The following CIT variants were observed in gnomAD, a reference collection of about 807,000 sequenced individuals.
CIT encodes the protein citron rho-interacting serine/threonine kinase, also known as citron Rho-interacting kinase.
Under a neutral mutation model 272.7 loss-of-function variants are expected in CIT, and 79 were observed. That is an observed-to-expected ratio of 0.29 (90% CI 0.24 to 0.35). The LOEUF is 0.35. CIT is among the 10% of genes least tolerant of loss of function. CIT has a pLI of 1.00. For synonymous variants in CIT, 948 were observed against 995.6 expected, an observed-to-expected ratio of 0.95 and a Z score of 0.90; for missense variants, 1,909 against 2,618.3, an observed-to-expected ratio of 0.73 and a Z score of 5.91.
In CIT at chr12:119,868,970, T is replaced by G. The variant is rs1204975746; in HGVS notation, c.238+90A>C. The G allele has an allele frequency of 2.1e-6, 3 of 1,463,106 alleles. No homozygotes were observed. In the African/African-American group the frequency reaches 4.3e-5, roughly 21 times the overall value. 90.6% of individuals were successfully genotyped at this position (1,463,106 alleles called of 1,614,324 possible). On this transcript the variant is annotated intron_variant, in intron 3 of 47. Transcript: ENST00000392521. ...ATATAGAACCAGAGTTCTTACCGACTACTATCAACCAGTAACTCATTCTGC... is the reference window on the plus strand; with the variant it reads ...ATATAGAACCAGAGTTCTTACCGACGACTATCAACCAGTAACTCATTCTGC...
At chr12:119,747,501 A>T (rs535067279) in intron 23 of CIT, among the ~76,000 whole-genome samples, 41 of 151,640 alleles carry the variant, frequency 2.7e-4, no homozygotes, top group Admixed American at 5.9e-4. Flanking sequence ...CGGGTGGATC[A>T]CAAGGTCAAG....
In CIT at chr12:119,713,307, A is replaced by G. The variant is rs764832485; in HGVS notation, c.4488-13T>C. 6.2e-7 allele frequency: 1 copy of G among 1,612,130 alleles called. No individual in the cohort carries two copies. Among genetic ancestry groups the G allele is most frequent in the East Asian group, 2.2e-5 (1 of 44,872 alleles). On this transcript the variant is annotated splice_polypyrimidine_tract_variant and intron_variant, in intron 34 of 47. Coordinates refer to ENST00000392521, the MANE Select transcript of CIT (RefSeq NM_001206999.2). The surrounding 1 kb of genome is among the most constrained non-coding windows in gnomAD (Gnocchi z 5.2). ...TCGTTTGTTATTCCTGGGGAAAGAA[A>G]GATGGAAAAGAAAAATGTCTGAACT...
chr12:119,808,573 A>G (rs909934281), intron 9 of CIT, among the ~76,000 whole-genome samples: 2 of 152,150 alleles, frequency 1.3e-5, no homozygotes, highest in African/African-American at 4.8e-5. Context: ...ACTTTTAATC[A>G]TCACCATGGA....
chr12:119,772,661 G>T, intron 17 of CIT, 109 bp downstream of exon 17: 1 of 1,263,688 alleles, frequency 7.9e-7, no homozygotes, highest in Non-Finnish European at 1.1e-6. Context: ...CTTCAGAAGG[G>T]AAAGCAGCTT....
intron 5 of CIT, among the ~76,000 whole-genome samples, chr12:119,843,000 T>C (rs1046944853): frequency 2.0e-5 from 3 of 152,046 alleles, no homozygotes; most frequent in Non-Finnish European, 2.9e-5. Flanking sequence ...AAGTACAGGG[T>C]GCAATGAGCG....
chr12:119,851,689 T>C (rs762512576), intron 4 of CIT, among the ~76,000 whole-genome samples: 2 of 152,222 alleles, frequency 1.3e-5, no homozygotes, highest in Admixed American at 6.5e-5. Context: ...CAAGTCCACA[T>C]AGATATAAAA....
intron 28 of CIT, among the ~76,000 whole-genome samples, chr12:119,725,932 C>T (rs76972549): frequency 2.6e-5 from 4 of 152,144 alleles, no homozygotes; most frequent in Non-Finnish European, 5.9e-5. Flanking sequence ...TATTTGACCA[C>T]GAGGTACATT....
At chr12:119,841,131 C>T (rs999381946) in intron 5 of CIT, among the ~76,000 whole-genome samples, 48 of 152,036 alleles carry the variant, frequency 3.2e-4, no homozygotes, top group South Asian at 1.5e-3. Context: ...GGCTTCAAAG[C>T]TTAGCTGTAC....
In CIT at chr12:119,687,893, G is replaced by T; in HGVS notation, c.*339C>A. On this transcript the variant is annotated 3_prime_UTR_variant, in exon 48 of 48. Transcript: ENST00000392521. ...AGTAGCTAATTAGGATTCTAACCAT[G>T]TTGTAGTTAGCATCCCGGTTGGTTT... The T allele has an allele frequency of 3.5e-6, 1 of 287,886 alleles. No individual in the cohort carries two copies. Among genetic ancestry groups the T allele is most frequent in the African/African-American group, 2.2e-5 (1 of 45,832 alleles). The allele number at this position is 287,886 out of a possible 1,614,324, so 17.8% of individuals were successfully genotyped here.
chr12:119,859,642 C>A (rs527954911), intron 3 of CIT, among the ~76,000 whole-genome samples: 1 of 151,934 alleles, frequency 6.6e-6, no homozygotes. Flanking sequence ...CATGATGAAA[C>A]CCCATCTCTA....
chr12:119,875,250 C>G (rs1038495958), intron 2 of CIT, among the ~76,000 whole-genome samples: 1 of 152,142 alleles, frequency 6.6e-6, no homozygotes, highest in East Asian at 1.9e-4. Context: ...CTGCAGTAAG[C>G]CGTGATTGTG....
chr12:119,828,253 T>C (rs1292069182), intron 7 of CIT, among the ~76,000 whole-genome samples: 7 of 152,240 alleles, frequency 4.6e-5, no homozygotes, highest in Non-Finnish European at 1.5e-5. Flanking sequence ...CTTAAGTGCA[T>C]AATAGTGATT....
rs771806244 is a variant in CIT, at chr12:119,760,971, C to T, written c.2389G>A (p.Glu797Lys). 5 of 1,614,160 alleles carry T rather than the reference C, an allele frequency of 3.1e-6. No individual in the cohort carries two copies. Among genetic ancestry groups the T allele is most frequent in the Non-Finnish European group, 4.2e-6 (5 of 1,179,994 alleles). ...TGTTCGCTGAGAATTTTGCCCTTCT[C>T]ATGGGCCTCCTCCTCGTGTCTCTGC... is the stretch of plus-strand genomic sequence containing the variant. ...MMQRHEEEAHEKGKILSEQKA... is the reference protein window; with the variant it reads ...MMQRHEEEAHKKGKILSEQKA... The change falls in exon 20 of 48, where the codon GAG (glutamate) becomes AAG (lysine). Residue 797 changes from glutamate to lysine, a missense_variant. Glu to Lys is a moderately conservative substitution (Grantham distance 56). Coordinates refer to ENST00000392521, the MANE Select transcript of CIT (RefSeq NM_001206999.2).
At chr12:119,788,176 G>C in intron 10 of CIT, among the ~76,000 whole-genome samples, 1 of 152,196 alleles carries the variant, frequency 6.6e-6, no homozygotes, top group East Asian at 1.9e-4. Context: ...CTTTTGGCTA[G>C]AAATTTTAAC....
intron 23 of CIT, among the ~76,000 whole-genome samples, chr12:119,747,886 A>G (rs1959675604): frequency 6.6e-6 from 1 of 152,046 alleles, no homozygotes. Flanking sequence ...TCTGACAGGC[A>G]GGCATAATGG....
chr12:119,745,604 G>A (rs1311436776), intron 23 of CIT, among the ~76,000 whole-genome samples: 1 of 152,082 alleles, frequency 6.6e-6, no homozygotes, highest in Non-Finnish European at 1.5e-5. Context: ...GAGCCCTGGA[G>A]AGATGGTAAA....
chr12:119,876,004 C>A, intron 2 of CIT, 69 bp downstream of exon 2: 1 of 955,486 alleles, frequency 1.0e-6, no homozygotes, highest in Non-Finnish European at 1.7e-6. Flanking sequence ...TAAATAAAAG[C>A]AAAGGTGAGT....
intron 40 of CIT, 67 bp from the exon 41 acceptor site, chr12:119,704,522 G>A (rs1467068142): frequency 7.1e-6 from 10 of 1,399,748 alleles, no homozygotes; most frequent in Admixed American, 3.5e-5. Flanking sequence ...GCAAAACTAG[G>A]AAAAGCTCTC....
Position 119,697,837 on chromosome 12 carries a change from T to C in CIT, c.5704A>G (p.Thr1902Ala). Residue 1902 changes from threonine to alanine, a missense_variant and splice_region_variant, in exon 46 of 48, where the codon ACC (threonine) becomes GCC (alanine). Coordinates refer to ENST00000392521, the MANE Select transcript of CIT (RefSeq NM_001206999.2). The surrounding 1 kb of genome is among the most constrained non-coding windows in gnomAD (Gnocchi z 4.9). ...ATGTCCAGGTACGCTCGGGCAGGGG[T>C]CCTGCAGAGTCCCAGAGTTCCAGTT... is the stretch of plus-strand genomic sequence containing the variant. ...IEIQARSSAG[T>A]PARAYLDIPN... 6.2e-7 allele frequency: 1 copy of C among 1,613,784 alleles called. No homozygotes were observed. Among genetic ancestry groups the C allele is most frequent in the Non-Finnish European group, 8.5e-7 (1 of 1,179,904 alleles).
Sources: gnomAD v4.1 joint callset for allele counts (sites outside exome capture counted in the v4.1 genomes callset) on GRCh38, gnomAD v4.1.1 for gene constraint, Gnocchi (gnomAD v3.1) non-coding constraint, MANE v1.5 for transcripts, NCBI Gene and HGNC (gene_info 2026-07-23, HGNC 2026-07-21) for gene names.